The following PPARGC1B variants were observed in gnomAD, a reference collection of about 807,000 sequenced individuals.
PPARGC1B encodes the protein PPARG coactivator 1 beta.
A neutral mutation model predicts 101.6 loss-of-function variants in PPARGC1B; 34 were observed. The ratio of observed to expected loss-of-function variants is 0.33; its 90% CI spans 0.25 to 0.45. The LOEUF is 0.45. Among genes scored for constraint, PPARGC1B ranks in the 20% least tolerant of loss-of-function variants. The pLI, the probability that PPARGC1B is intolerant of heterozygous loss-of-function variation, is 1.00. For synonymous variants in PPARGC1B, 548 were observed against 539.3 expected (o/e 1.02, Z -0.22); for missense variants, 1,234 against 1,317.6 (o/e 0.94, Z 0.98).
At chr5:149,810,482 A>C (rs545260956) in intron 1 of PPARGC1B, among the ~76,000 whole-genome samples, 1 of 152,298 alleles carries the variant, frequency 6.6e-6, no homozygotes, top group Admixed American at 6.5e-5. Context: ...GCCATCCAGG[A>C]GCTGCCTCAC....
Position 149,853,370 on chromosome 5 carries a change from C to A in PPARGC1B, c.*5812C>A, listed in dbSNP as rs1370597182. On this transcript the variant is annotated 3_prime_UTR_variant, in exon 12 of 12. Transcript: ENST00000309241. This position sits in a 1 kb window ranked among gnomAD's most constrained non-coding sequence, Gnocchi z 4.2. ...CACTAGGGTCAGAAGACTCCAGAAG[C>A]AGCCACTTAGTAGACTCTCACGCAG... The A allele has an allele frequency of 6.6e-6, 1 of 152,280 alleles. No individual in the cohort carries two copies. The highest frequency in any genetic ancestry group is 1.9e-4 in the East Asian group (1 of 5,202). The allele number at this position is 152,280 out of a possible 1,614,324, so 9.4% of individuals were successfully genotyped here. A position where few individuals can be genotyped will look rare whatever the true frequency, so the allele number is the denominator to read the frequency against.
chr5:149,754,606 C>T (rs1755436729), intron 1 of PPARGC1B, among the ~76,000 whole-genome samples: 1 of 152,006 alleles, frequency 6.6e-6, no homozygotes, highest in African/African-American at 2.4e-5. Context: ...TTAAACTTTA[C>T]AGCCAAGTCA....
At chr5:149,784,320 G>A (rs1049119563) in intron 1 of PPARGC1B, among the ~76,000 whole-genome samples, 7 of 151,716 alleles carry the variant, frequency 4.6e-5, no homozygotes, top group Admixed American at 2.0e-4. Context: ...CTCTCACAAC[G>A]GCCTGTGAAG....
intron 1 of PPARGC1B, among the ~76,000 whole-genome samples, chr5:149,775,988 TG>T (rs201432155): frequency 0.11 from 17,188 of 152,246 alleles, 1,303 homozygotes; most frequent in Admixed American, 0.23. Context: ...AAGCCAGTAT[TG>T]CCCCCTAGTG....
At chr5:149,798,247 T>C (rs1365215206) in intron 1 of PPARGC1B, among the ~76,000 whole-genome samples, 1 of 152,242 alleles carries the variant, frequency 6.6e-6, no homozygotes, top group African/African-American at 2.4e-5. Flanking sequence ...TACAACTGAT[T>C]TGAATAGAGT....
At chr5:149,806,220 GGCTGCATATCCTGGGTGT>G (rs1051870026) in intron 1 of PPARGC1B, among the ~76,000 whole-genome samples, 1 of 152,230 alleles carries the variant, frequency 6.6e-6, no homozygotes, top group African/African-American at 2.4e-5. Flanking sequence ...CACCTGAGAG[GGCTGCATATCCTGGGTGT>G]GTGAGTGCTG....
At position 149,849,853 on chromosome 5, in the gene PPARGC1B, T is replaced by G. The variant is rs1759706874; in HGVS notation, c.*2295T>G. On this transcript the variant is annotated 3_prime_UTR_variant, in exon 12 of 12. Transcript: ENST00000309241. The stretch of plus-strand genomic sequence containing the variant: ...GGAACATATTTGGGGAAGGCAGGGC[T>G]TAGGAAGATGGACCAAAAAGGGACT... 6.6e-6 allele frequency: 1 copy of G among 152,206 alleles called. No individual in the cohort carries two copies. The highest frequency in any genetic ancestry group is 1.5e-5 in the Non-Finnish European group (1 of 68,052). The allele number at this position is 152,206 out of a possible 1,614,324, so 9.4% of individuals were successfully genotyped here.
At chr5:149,842,399 C>A in intron 10 of PPARGC1B, 22 bp downstream of exon 10, 1 of 1,610,456 alleles carries the variant, frequency 6.2e-7, no homozygotes, top group Admixed American at 1.7e-5. Context: ...CAAGCCATGG[C>A]AAATGAAGGG....
intron 3 of PPARGC1B, 107 bp from the exon 4 acceptor site, chr5:149,830,660 C>A: frequency 1.3e-6 from 1 of 770,418 alleles, no homozygotes. Context: ...TGTGTTCTCC[C>A]TGTGGTCCTG....
intron 1 of PPARGC1B, among the ~76,000 whole-genome samples, chr5:149,769,287 C>G (rs1298725506): frequency 6.6e-6 from 1 of 152,258 alleles, no homozygotes; most frequent in Admixed American, 6.5e-5. Context: ...CACCACTTAT[C>G]TCCTGTTGTG....
At chr5:149,743,327 T>G (rs1000838055) in intron 1 of PPARGC1B, among the ~76,000 whole-genome samples, 6 of 151,992 alleles carry the variant, frequency 3.9e-5, no homozygotes, top group African/African-American at 1.4e-4. Flanking sequence ...GGCTAATTTT[T>G]GTATTTTTAG....
chr5:149,792,422 C>G (rs1397492335), intron 1 of PPARGC1B, among the ~76,000 whole-genome samples: 1 of 152,078 alleles, frequency 6.6e-6, no homozygotes, highest in Non-Finnish European at 1.5e-5. Context: ...AAGACCTTTT[C>G]CAAGAGTGAA....
At chr5:149,770,612 C>T (rs942551759) in intron 1 of PPARGC1B, among the ~76,000 whole-genome samples, 1 of 151,612 alleles carries the variant, frequency 6.6e-6, no homozygotes, top group African/African-American at 2.4e-5. Context: ...ATCAGGAAGC[C>T]GAGGCAGGAG....
At chr5:149,839,875 C>T (rs561311581) in intron 8 of PPARGC1B, among the ~76,000 whole-genome samples, 166 bp from the exon 9 acceptor site, 4 of 152,226 alleles carry the variant, frequency 2.6e-5, no homozygotes, top group South Asian at 2.1e-4. Context: ...AGCCCTGGGC[C>T]GTCGTTGCAG....
At chr5:149,843,532 T>A (rs1238567042) in intron 10 of PPARGC1B, among the ~76,000 whole-genome samples, 1 of 152,190 alleles carries the variant, frequency 6.6e-6, no homozygotes, top group Non-Finnish European at 1.5e-5. Flanking sequence ...AACTCTTGTA[T>A]AGTGTTGGTG....
At chr5:149,773,580 A>G (rs1337622176) in intron 1 of PPARGC1B, among the ~76,000 whole-genome samples, 5 of 152,122 alleles carry the variant, frequency 3.3e-5, no homozygotes, top group Admixed American at 3.3e-4. Flanking sequence ...CTCCACCTTC[A>G]CAGACAGGGG....
intron 1 of PPARGC1B, among the ~76,000 whole-genome samples, chr5:149,798,112 G>A (rs1454108548): frequency 6.6e-6 from 1 of 152,188 alleles, no homozygotes; most frequent in African/African-American, 2.4e-5. Context: ...GAGGTTGAGT[G>A]TCTTGGCCAG....
rs951134554 is a variant in PPARGC1B at position 149,837,847 on chromosome 5, G to C, written c.2618+774G>C. 6.6e-6 allele frequency among the ~76,000 whole-genome samples: 1 copy of C among 152,220 alleles called. No individual in the cohort carries two copies. The highest frequency in any genetic ancestry group is 2.4e-5 in the African/African-American group (1 of 41,458). On this transcript the variant is annotated intron_variant, in intron 8 of 11. Coordinates refer to ENST00000309241, the MANE Select transcript of PPARGC1B (RefSeq NM_133263.4). The surrounding 1 kb of genome is among the most constrained non-coding windows in gnomAD (Gnocchi z 4.2). Reference sequence around the variant, plus strand: ...ATCATCCCCAGCCCTGTGTTGAGGTGAAGCTGAGTGGCCACTAGATGCTGC... The same window carrying C: ...ATCATCCCCAGCCCTGTGTTGAGGTCAAGCTGAGTGGCCACTAGATGCTGC...
intron 8 of PPARGC1B, 133 bp from the exon 9 acceptor site, chr5:149,839,908 G>A (rs1205552361): frequency 1.4e-5 from 12 of 864,476 alleles, no homozygotes; most frequent in Non-Finnish European, 2.1e-5. Flanking sequence ...GGTTTCTGCG[G>A]GAGGCAGTTC....
Sources: allele counts gnomAD v4.1 joint callset (sites outside exome capture counted in the v4.1 genomes callset), GRCh38; gene constraint gnomAD v4.1.1; non-coding constraint Gnocchi (gnomAD v3.1); transcripts MANE v1.5; gene names NCBI Gene and HGNC (gene_info 2026-07-23, HGNC 2026-07-21).